Variants in BEST1 observed in about 807,000 individuals in gnomAD.
The protein encoded by BEST1 is bestrophin 1.
BEST1 carries 58 observed loss-of-function variants against 63.3 expected under a neutral mutation model. The ratio of observed to expected loss-of-function variants is 0.92; its 90% CI spans 0.74 to 1.14. The LOEUF (loss-of-function observed/expected upper bound fraction) is 1.14, where lower values mean the gene tolerates loss of function less well. BEST1 is among the 50% of genes most tolerant of loss of function. The pLI is 0.00. For missense variants in BEST1, 671 were observed against 740.1 expected, an observed-to-expected ratio of 0.91 and a Z score of 1.08; for synonymous variants, 283 against 291.6, an observed-to-expected ratio of 0.97 and a Z score of 0.30.
Position 61,950,383 on chromosome 11 carries a change from G to C in BEST1, c.-81G>C, listed in dbSNP as rs565392216. 1 of 152,824 alleles carries C rather than the reference G, an allele frequency of 6.5e-6. No individual in the cohort carries two copies. Among genetic ancestry groups the C allele is most frequent in the Non-Finnish European group, 1.5e-5 (1 of 68,106 alleles). The allele number at this position is 152,824 out of a possible 1,614,324, so 9.5% of individuals were successfully genotyped here. On this transcript the variant is annotated 5_prime_UTR_variant, in exon 1 of 11. Transcript: ENST00000378043. ...CCCAGGGAGTCCCACCAGCCTAGTC[G>C]CCAGACCTTCTGTGGGATCATCGGA...
chr11:61,952,212 C>T (rs189072595), intron 2 of BEST1, among the ~76,000 whole-genome samples: 147 of 152,218 alleles, frequency 9.7e-4, no homozygotes, highest in African/African-American at 3.4e-3. Context: ...CCCAGGAGGA[C>T]CCCTGGAGCC....
Position 61,955,087 on chromosome 11 carries a change from A to ACCCC in BEST1, c.153-18_153-15dup. ...CTCCTCGCTGCGTCCACACAATTCC[A>ACCCC]CCCCCACCCCCACCCCCAGGCTGGC... On this transcript the variant is annotated intron_variant, in intron 2 of 10. Coordinates refer to ENST00000378043, the MANE Select transcript of BEST1 (RefSeq NM_004183.4). The ACCCC allele has an allele frequency of 1.9e-6, 2 of 1,042,160 alleles. No individual in the cohort carries two copies. The highest frequency in any genetic ancestry group is 2.5e-5 in the South Asian group (2 of 79,924). 64.6% of individuals were successfully genotyped at this position (1,042,160 alleles called of 1,614,324 possible). A position where few individuals can be genotyped will look rare whatever the true frequency, so the allele number is the denominator to read the frequency against.
In BEST1 at chr11:61,962,561, G is replaced by A; in HGVS notation, c.1407G>A (p.Gln469=). The part of the protein sequence containing the change: ...YQRPGYYSAP[Q]TPLSPTPMFF... Reference sequence around the variant, plus strand: ...GGCCAGGCTACTACAGTGCCCCACAGACGCCCCTCAGCCCCACTCCCATGT... The same window carrying A: ...GGCCAGGCTACTACAGTGCCCCACAAACGCCCCTCAGCCCCACTCCCATGT... Residue 469 remains glutamine (Q), a synonymous_variant, in exon 10 of 11, where the codon CAG becomes CAA. Transcript: ENST00000378043. 9 of 1,614,108 alleles carry A rather than the reference G, an allele frequency of 5.6e-6. No individual in the cohort carries two copies. Among genetic ancestry groups the A allele is most frequent in the Non-Finnish European group, 7.6e-6 (9 of 1,179,996 alleles).
Position 61,959,407 on chromosome 11 carries a change from G to A in BEST1, c.868-91G>A, listed in dbSNP as rs552192329. 2.6e-5 allele frequency: 32 copies of A among 1,247,250 alleles called. No individual in the cohort carries two copies. The African/African-American group carries it at 3.9e-4, about 15-fold the overall frequency. 77.3% of individuals were successfully genotyped at this position (1,247,250 alleles called of 1,614,324 possible). ...GGTCAGGCAGGAAGGGCGTCATGGG[G>A]TGTGGAAATAGCAGCAGCTGAGGTT... On this transcript the variant is annotated intron_variant, in intron 7 of 10. Coordinates refer to ENST00000378043, the MANE Select transcript of BEST1 (RefSeq NM_004183.4).
Position 61,964,229 on chromosome 11 carries a change from G to A in BEST1, c.*107G>A, listed in dbSNP as rs1054715142. On this transcript the variant is annotated 3_prime_UTR_variant, in exon 11 of 11. Transcript: ENST00000378043. Reference sequence around the variant, plus strand: ...TACAGCTGTCCACACTGAAGAACATGTCCTACAACAGCCTGAATCAAATGG... The same window carrying A: ...TACAGCTGTCCACACTGAAGAACATATCCTACAACAGCCTGAATCAAATGG... 6.9e-6 allele frequency: 11 copies of A among 1,584,526 alleles called. No homozygotes were observed. Among genetic ancestry groups the A allele is most frequent in the Non-Finnish European group, 9.4e-6 (11 of 1,165,808 alleles).
rs1941146367 is a variant in BEST1, at chr11:61,955,146, A to G, written c.192A>G (p.Lys64=). 4 of 1,613,928 alleles carry G rather than the reference A, an allele frequency of 2.5e-6. No individual in the cohort carries two copies. The Admixed American group carries it at 6.7e-5, about 27-fold the overall frequency. The change falls in exon 3 of 11, where the codon AAA becomes AAG. Residue 64 remains lysine, a synonymous_variant. Transcript: ENST00000378043. ...LTEEQQLMFE[K]LTLYCDSYIQ... is the part of the protein sequence containing the mutation. ...AAGAACAACAGCTGATGTTTGAGAA[A>G]CTGACTCTGTATTGCGACAGCTACA...
In BEST1 at chr11:61,962,522, C is replaced by T; in HGVS notation, c.1368C>T (p.Ala456=). The change falls in exon 10 of 11, where the codon GCC becomes GCT. Residue 456 remains alanine (A), a synonymous_variant. Transcript: ENST00000378043. ...KLKAVDAFKS[A]PLYQRPGYYS... is the part of the protein sequence containing the mutation. ...AGGCTGTGGACGCCTTCAAGTCTGC[C>T]CCACTGTATCAGAGGCCAGGCTACT... The T allele has an allele frequency of 1.2e-6, 2 of 1,614,182 alleles. No individual in the cohort carries two copies. Among genetic ancestry groups the T allele is most frequent in the South Asian group, 1.1e-5 (1 of 91,078 alleles).
chr11:61,959,969 G>A lies in BEST1; in HGVS notation c.1026G>A (p.Glu342=), dbSNP rs281865282. The change falls in exon 9 of 11, where the codon GAG becomes GAA. Residue 342 remains glutamate, a synonymous_variant. Coordinates refer to ENST00000378043, the MANE Select transcript of BEST1 (RefSeq NM_004183.4). ...MEPDMYWNKP[E]PQPPYTAASA... ...CGGACATGTACTGGAATAAGCCCGA[G>A]CCACAGCCCCCCTACACAGCTGCTT... The A allele has an allele frequency of 6.2e-7, 1 of 1,612,660 alleles. No individual in the cohort carries two copies. Among genetic ancestry groups the A allele is most frequent in the Non-Finnish European group, 8.5e-7 (1 of 1,179,464 alleles).
rs1591319026 is a variant in BEST1, at chr11:61,964,225, A to T, written c.*103A>T. 5.0e-6 allele frequency: 8 copies of T among 1,589,410 alleles called. No individual in the cohort carries two copies. The South Asian group carries it at 6.8e-5, about 13-fold the overall frequency. On this transcript the variant is annotated 3_prime_UTR_variant, in exon 11 of 11. Transcript: ENST00000378043. Reference sequence around the variant, plus strand: ...GCCATACAGCTGTCCACACTGAAGAACATGTCCTACAACAGCCTGAATCAA... The same window carrying T: ...GCCATACAGCTGTCCACACTGAAGATCATGTCCTACAACAGCCTGAATCAA...
upstream of BEST1, chr11:61,949,920 G>A (rs1415760817): frequency 6.6e-6 from 1 of 152,354 alleles, no homozygotes; most frequent in Non-Finnish European, 1.5e-5. Context: ...GTTGACTGCA[G>A]CCCGGTATTC....
intron 2 of BEST1, chr11:61,954,689 T>C (rs1442441326): frequency 3.2e-6 from 2 of 627,480 alleles, no homozygotes; most frequent in Non-Finnish European, 4.0e-6. Flanking sequence ...TCTTGAACTC[T>C]TGGTCCTGCC....
intron 9 of BEST1, chr11:61,960,259 G>GT: frequency 1.4e-6 from 1 of 691,360 alleles, no homozygotes; most frequent in Non-Finnish European, 2.4e-6. Flanking sequence ...TTCAGAGAGA[G>GT]TAAGTTGTCC....
At chr11:61,963,899 T>A in intron 10 of BEST1, 2 of 1,360,418 alleles carry the variant, frequency 1.5e-6, no homozygotes. Context: ...ACGCAGGAGG[T>A]TGAGGGGAGA....
At chr11:61,965,044 A>G (rs199912260), downstream of BEST1, 40 of 1,612,704 alleles carry the variant, frequency 2.5e-5, no homozygotes, top group Admixed American at 1.5e-4. Context: ...ACTGATTCAC[A>G]TTTTTTTCCA....
chr11:61,961,993 G>A (rs1354024167), intron 9 of BEST1: 7 of 533,022 alleles, frequency 1.3e-5, no homozygotes, highest in East Asian at 6.5e-5. Flanking sequence ...GCCTTTACAC[G>A]CCAGGCGGGG....
chr11:61,964,671 A>C, downstream of BEST1: 4 of 1,572,248 alleles, frequency 2.5e-6, no homozygotes, highest in Non-Finnish European at 3.5e-6. Flanking sequence ...ACATGCATGC[A>C]CTGCCTTGGT....
rs1485843877 is a variant in BEST1 at position 61,955,853 on chromosome 11, T to TCATCCGCTACGC, written c.386_397dup (p.Ile129_Ala132dup). ...CAAGGCCGGCTGCTGCGGCGCACGC[T>TCATCCGCTACGC]CATCCGCTACGCCAACCTGGGCAAC... On this transcript the variant is annotated inframe_insertion, in exon 4 of 11. Coordinates refer to ENST00000378043, the MANE Select transcript of BEST1 (RefSeq NM_004183.4). 6.4e-7 allele frequency: 1 copy of TCATCCGCTACGC among 1,550,446 alleles called. No individual in the cohort carries two copies. Among genetic ancestry groups the TCATCCGCTACGC allele is most frequent in the Admixed American group, 2.0e-5 (1 of 51,018 alleles).
downstream of BEST1, chr11:61,965,281 T>C: frequency 2.5e-6 from 4 of 1,597,644 alleles, no homozygotes; most frequent in Non-Finnish European, 3.4e-6. Context: ...ATCATCACTT[T>C]ATAAGGGCAA....
At chr11:61,962,151 G>T (rs887495224) in intron 9 of BEST1, 104 bp from the exon 10 acceptor site, 126 of 1,280,424 alleles carry the variant, frequency 9.8e-5, no homozygotes, top group Non-Finnish European at 1.3e-4. Context: ...GTGTGGCCTT[G>T]GCTTGGGCCA....
Sources: allele counts gnomAD v4.1 joint callset (sites outside exome capture counted in the v4.1 genomes callset), GRCh38; gene constraint gnomAD v4.1.1; transcripts MANE v1.5; gene names NCBI Gene and HGNC (gene_info 2026-07-23, HGNC 2026-07-21).